The following ASIC2 variants were observed in gnomAD, a reference collection of about 807,000 sequenced individuals.
ASIC2 encodes the protein acid sensing ion channel subunit 2.
In ASIC2, 25 loss-of-function variants were observed where a neutral mutation model predicts 57.3. That is an observed-to-expected ratio of 0.44 (90% CI 0.32 to 0.61). The LOEUF (loss-of-function observed/expected upper bound fraction) is 0.61. Among genes scored for constraint, ASIC2 ranks in the 20% least tolerant of loss-of-function variants. The pLI is 0.06. For synonymous variants in ASIC2, 319 were observed against 307.5 expected (o/e 1.04, Z -0.39); for missense variants, 641 against 738.1 (o/e 0.87, Z 1.52).
At chr17:33,363,038 A>T (rs1315706441) in intron 1 of ASIC2, among the ~76,000 whole-genome samples, 1 of 152,196 alleles carries the variant, frequency 6.6e-6, no homozygotes, top group East Asian at 1.9e-4. Flanking sequence ...TTTCCTCTTG[A>T]TTTAAAATTG....
At chr17:34,151,508 G>A (rs1904525376) in intron 1 of ASIC2, among the ~76,000 whole-genome samples, 1 of 152,180 alleles carries the variant, frequency 6.6e-6, no homozygotes, top group Non-Finnish European at 1.5e-5. Flanking sequence ...AGAGGGGCTG[G>A]CACAGGACAA....
chr17:33,512,098 T>C (rs1410648258), intron 1 of ASIC2, among the ~76,000 whole-genome samples: 2 of 152,224 alleles, frequency 1.3e-5, no homozygotes, highest in Non-Finnish European at 2.9e-5. Context: ...TAGGTAGTAT[T>C]GTAGTGAGGT....
chr17:33,217,676 T>G (rs962453965), intron 1 of ASIC2, among the ~76,000 whole-genome samples: 1 of 152,220 alleles, frequency 6.6e-6, no homozygotes, highest in Non-Finnish European at 1.5e-5. Flanking sequence ...GAATCCAGGT[T>G]CCCTCTCATC....
At chr17:33,808,962 T>C (rs1223252346) in intron 1 of ASIC2, among the ~76,000 whole-genome samples, 2 of 152,250 alleles carry the variant, frequency 1.3e-5, no homozygotes, top group African/African-American at 4.8e-5. Context: ...TTCAGAATTA[T>C]TCATTCATGA....
intron 1 of ASIC2, among the ~76,000 whole-genome samples, chr17:33,693,529 A>G (rs537168349): frequency 6.6e-6 from 1 of 152,308 alleles, no homozygotes; most frequent in African/African-American, 2.4e-5. Context: ...TGAAATTGAT[A>G]CTAGGTATGT....
At chr17:33,460,099 C>T (rs1176487480) in intron 1 of ASIC2, among the ~76,000 whole-genome samples, 1 of 152,144 alleles carries the variant, frequency 6.6e-6, no homozygotes, top group Non-Finnish European at 1.5e-5. Flanking sequence ...TTTTTGCTTG[C>T]CTCCAACACA....
At chr17:33,147,698 C>T (rs888665264) in intron 1 of ASIC2, among the ~76,000 whole-genome samples, 1 of 152,216 alleles carries the variant, frequency 6.6e-6, no homozygotes, top group African/African-American at 2.4e-5. Flanking sequence ...TGACCCCACA[C>T]TACAGTGAAA....
intron 2 of ASIC2, chr17:33,100,307 G>A: frequency 6.6e-6 from 1 of 152,554 alleles, no homozygotes; most frequent in Non-Finnish European, 1.5e-5. Context: ...AGATGCCCTT[G>A]CACACTCTGG....
At position 33,579,829 on chromosome 17, in the gene ASIC2, C is replaced by T. The variant is rs369070474; in HGVS notation, c.556-467762G>A. The stretch of plus-strand genomic sequence containing the variant: ...ACCCCTTGGATTTCGGCGTCTGGCT[C>T]GGGTGGGCTGCATTTATTCCCTTAT... On this transcript the variant is annotated intron_variant, in intron 1 of 9. Transcript: ENST00000359872. Among the ~76,000 whole-genome samples the T allele has an allele frequency of 6.6e-5, 10 of 152,252 alleles. No homozygotes were observed. The East Asian group carries it at 7.7e-4, about 12-fold the overall frequency.
intron 1 of ASIC2, among the ~76,000 whole-genome samples, chr17:33,595,953 TAGAGTC>T (rs1904966368): frequency 6.6e-6 from 1 of 152,202 alleles, no homozygotes. Flanking sequence ...TCCCCCTCAG[TAGAGTC>T]TATGCTGTTT....
At chr17:33,842,566 G>T (rs1028957284) in intron 1 of ASIC2, among the ~76,000 whole-genome samples, 1 of 152,208 alleles carries the variant, frequency 6.6e-6, no homozygotes, top group Non-Finnish European at 1.5e-5. Flanking sequence ...AGTCACAGAG[G>T]TGGTCATGGT....
At chr17:33,438,333 C>A (rs776929760) in intron 1 of ASIC2, among the ~76,000 whole-genome samples, 1 of 152,156 alleles carries the variant, frequency 6.6e-6, no homozygotes, top group East Asian at 1.9e-4. Flanking sequence ...AATGATTGTG[C>A]AAGCCCATGG....
intron 1 of ASIC2, among the ~76,000 whole-genome samples, chr17:34,123,052 A>G (rs1210865408): frequency 6.6e-6 from 1 of 152,222 alleles, no homozygotes; most frequent in Non-Finnish European, 1.5e-5. Context: ...CCCAGTCAAC[A>G]GCTCTGTGGG....
At chr17:33,150,350 T>C (rs1483764323) in intron 1 of ASIC2, among the ~76,000 whole-genome samples, 1 of 152,220 alleles carries the variant, frequency 6.6e-6, no homozygotes, top group East Asian at 1.9e-4. Flanking sequence ...CCCTACTTGC[T>C]GTTCAGGGAA....
chr17:33,244,712 G>A (rs909717675), intron 1 of ASIC2, among the ~76,000 whole-genome samples: 7 of 152,164 alleles, frequency 4.6e-5, no homozygotes, highest in African/African-American at 1.7e-4. Context: ...TGCATATAGG[G>A]TCTTGTGCTT....
intron 1 of ASIC2, among the ~76,000 whole-genome samples, chr17:33,986,229 T>C (rs1420810536): frequency 6.6e-6 from 1 of 151,846 alleles, no homozygotes; most frequent in Admixed American, 6.6e-5. Flanking sequence ...TGCAGTATTA[T>C]GAGTACCTGG....
At chr17:33,396,017 G>A (rs1910064547) in intron 1 of ASIC2, among the ~76,000 whole-genome samples, 1 of 152,186 alleles carries the variant, frequency 6.6e-6, no homozygotes, top group African/African-American at 2.4e-5. Context: ...TGGAAGAACC[G>A]TCAGACTCTT....
At chr17:33,420,060 A>C (rs909988427) in intron 1 of ASIC2, among the ~76,000 whole-genome samples, 1 of 152,184 alleles carries the variant, frequency 6.6e-6, no homozygotes, top group African/African-American at 2.4e-5. Context: ...TCTTTTTTTC[A>C]TATGCCGTTT....
At chr17:33,370,448 ATGCAAG>A (rs1261427436) in intron 1 of ASIC2, among the ~76,000 whole-genome samples, 1 of 152,204 alleles carries the variant, frequency 6.6e-6, no homozygotes, top group Non-Finnish European at 1.5e-5. Flanking sequence ...GGAAATGTAA[ATGCAAG>A]TGCAAGGCCT....
Sources: gnomAD v4.1 joint callset for allele counts (sites outside exome capture counted in the v4.1 genomes callset) on GRCh38, gnomAD v4.1.1 for gene constraint, MANE v1.5 for transcripts, NCBI Gene and HGNC (gene_info 2026-07-23, HGNC 2026-07-21) for gene names.